Variants in MALRD1 observed in about 807,000 individuals in gnomAD.
MALRD1 encodes the protein MAM and LDL receptor class A domain containing 1, also known as MAM and LDL-receptor class A domain-containing protein 1.
In MALRD1, 247 loss-of-function variants were observed where a neutral mutation model predicts 242.1. The observed-to-expected ratio is 1.02, with a 90% CI of 0.92 to 1.13. The LOEUF (loss-of-function observed/expected upper bound fraction) is 1.13. MALRD1 is among the 50% of genes most tolerant of loss of function. The pLI, the probability that MALRD1 is intolerant of heterozygous loss-of-function variation, is 0.00. For synonymous variants in MALRD1, 995 were observed against 866.6 expected (o/e 1.15, Z -2.60); for missense variants, 2,989 against 2,533.1 (o/e 1.18, Z -3.86).
At chr10:19,599,146 G>T (rs573028849) in intron 34 of MALRD1, among the ~76,000 whole-genome samples, 31 of 152,094 alleles carry the variant, frequency 2.0e-4, no homozygotes, top group Admixed American at 6.6e-5. Context: ...GGAGTGGAAT[G>T]CAGGAAAAAA....
intron 19 of MALRD1, among the ~76,000 whole-genome samples, chr10:19,260,605 G>A (rs1839703649): frequency 6.6e-6 from 1 of 152,112 alleles, no homozygotes; most frequent in African/African-American, 2.4e-5. Flanking sequence ...AAAGAGAGGT[G>A]ATGTGTAGGG....
chr10:19,434,255 A>G (rs2130957970), intron 28 of MALRD1, among the ~76,000 whole-genome samples: 1 of 152,314 alleles, frequency 6.6e-6, no homozygotes, highest in Admixed American at 6.5e-5. Flanking sequence ...ATGTATGTCT[A>G]AAATTACACA....
chr10:19,634,364 T>C (rs976102653), intron 36 of MALRD1, among the ~76,000 whole-genome samples: 1 of 152,114 alleles, frequency 6.6e-6, no homozygotes, highest in African/African-American at 2.4e-5. Context: ...TTTGAGGCTT[T>C]TGTTGTTACG....
chr10:19,555,209 G>T (rs1430690464), intron 32 of MALRD1, among the ~76,000 whole-genome samples: 2 of 152,146 alleles, frequency 1.3e-5, no homozygotes, highest in Non-Finnish European at 2.9e-5. Flanking sequence ...TTACTCAGAA[G>T]AGGGTATCAA....
chr10:19,188,113 A>G (rs1378787055), intron 14 of MALRD1, among the ~76,000 whole-genome samples: 1 of 152,090 alleles, frequency 6.6e-6, no homozygotes, highest in African/African-American at 2.4e-5. Context: ...TTTAAATGAG[A>G]CTGGGAGCAT....
intron 38 of MALRD1, among the ~76,000 whole-genome samples, chr10:19,724,568 A>G (rs1248680680): frequency 6.6e-6 from 1 of 152,056 alleles, no homozygotes; most frequent in South Asian, 2.1e-4. Flanking sequence ...ATCTAGTCCA[A>G]AGATGTTCAC....
intron 38 of MALRD1, among the ~76,000 whole-genome samples, chr10:19,729,721 CTTTTTTTTTTTTTTTTTTT>C (rs35279728): frequency 4.9e-5 from 2 of 40,696 alleles, no homozygotes; most frequent in South Asian, 1.2e-3. Flanking sequence ...TCTATTAATT[CTTTTTTTTTTTTTTTTTTT>C]TTTTTTTTTT....
intron 36 of MALRD1, among the ~76,000 whole-genome samples, chr10:19,616,973 T>C (rs1839186153): frequency 6.6e-6 from 1 of 151,984 alleles, no homozygotes; most frequent in Admixed American, 6.6e-5. Flanking sequence ...TCAGAAACTA[T>C]TACTTGATGG....
In MALRD1 at chr10:19,350,106, C is replaced by T. The variant is rs115176582; in HGVS notation, c.4150-1900C>T. Among the ~76,000 whole-genome samples, 253 of 152,026 alleles carry T rather than the reference C, an allele frequency of 1.7e-3. 1 individual carries two copies. The highest frequency in any genetic ancestry group is 6.0e-3 in the African/African-American group (248 of 41,472). On this transcript the variant is annotated intron_variant, in intron 25 of 39. Coordinates refer to ENST00000454679, the MANE Select transcript of MALRD1 (RefSeq NM_001142308.3). ...TATATTCATCGGGTAAGCAGATTGA[C>T]CTCCCAGATTTTTATGAGAATCACC...
At chr10:19,511,738 T>C (rs1833410697) in intron 31 of MALRD1, among the ~76,000 whole-genome samples, 1 of 152,198 alleles carries the variant, frequency 6.6e-6, no homozygotes, top group Non-Finnish European at 1.5e-5. Flanking sequence ...GGGATATTGG[T>C]TTAACATGAC....
chr10:19,126,785 A>G (rs113393212), intron 7 of MALRD1, among the ~76,000 whole-genome samples: 9,899 of 151,968 alleles, frequency 0.065, 353 homozygotes, highest in South Asian at 0.14. Flanking sequence ...TCCAGGCTAC[A>G]TGTGCAGGAT....
At chr10:19,222,444 A>C (rs890884843) in intron 18 of MALRD1, among the ~76,000 whole-genome samples, 3 of 152,198 alleles carry the variant, frequency 2.0e-5, no homozygotes, top group Admixed American at 2.0e-4. Flanking sequence ...TGGATATGCT[A>C]ACAGCAGCCT....
intron 38 of MALRD1, among the ~76,000 whole-genome samples, chr10:19,709,314 G>C (rs946547870): frequency 2.6e-5 from 4 of 151,718 alleles, no homozygotes; most frequent in African/African-American, 9.7e-5. Context: ...CTACTTGGGG[G>C]CCTGAGGCAG....
chr10:19,567,194 A>T (rs910355624), intron 32 of MALRD1, among the ~76,000 whole-genome samples: 2 of 152,170 alleles, frequency 1.3e-5, no homozygotes, highest in African/African-American at 2.4e-5. Context: ...TTCTTTAGCA[A>T]TAAAAAAATT....
At chr10:19,334,747 T>A (rs1843529155) in intron 24 of MALRD1, among the ~76,000 whole-genome samples, 1 of 152,256 alleles carries the variant, frequency 6.6e-6, no homozygotes, top group East Asian at 1.9e-4. Context: ...TTTCTGCTAT[T>A]AGTTATTTTT....
chr10:19,399,689 A>G (rs10740889), intron 28 of MALRD1, among the ~76,000 whole-genome samples: 129,223 of 152,196 alleles, frequency 0.85, 55,126 homozygotes, highest in Non-Finnish European at 0.88. Flanking sequence ...AGAAATGAAT[A>G]TACAAAACAA....
At chr10:19,244,399 C>T (rs999523360) in intron 18 of MALRD1, among the ~76,000 whole-genome samples, 1 of 151,940 alleles carries the variant, frequency 6.6e-6, no homozygotes, top group Non-Finnish European at 1.5e-5. Flanking sequence ...ATGACAAACC[C>T]CATTTGTACA....
intron 18 of MALRD1, among the ~76,000 whole-genome samples, chr10:19,237,024 A>T (rs1358000586): frequency 6.6e-6 from 1 of 152,032 alleles, no homozygotes; most frequent in Admixed American, 6.6e-5. Context: ...TTGTAATTAT[A>T]TAGATTTATA....
Position 19,171,941 on chromosome 10 carries a change from CAT to C in MALRD1, c.1831-3263_1831-3262del, listed in dbSNP as rs1491025798. 1.7e-5 allele frequency among the ~76,000 whole-genome samples: 2 copies of C among 115,392 alleles called. 1 individual carries two copies. The highest frequency in any genetic ancestry group is 3.7e-5 in the Non-Finnish European group (2 of 54,350). The allele number at this position is 115,392 out of a possible 152,430, so 75.7% of individuals were successfully genotyped here. A position where few individuals can be genotyped will look rare whatever the true frequency, so the allele number is the denominator to read the frequency against. On this transcript the variant is annotated intron_variant, in intron 13 of 39. Transcript: ENST00000454679. ...ATATACATATATGTGATATATATATCATATAATATATGTATATATCACATATA... is the reference window on the plus strand; with the variant it reads ...ATATACATATATGTGATATATATATCATAATATATGTATATATCACATATA...
Sources: allele counts gnomAD v4.1 joint callset (sites outside exome capture counted in the v4.1 genomes callset), GRCh38; gene constraint gnomAD v4.1.1; transcripts MANE v1.5; gene names NCBI Gene and HGNC (gene_info 2026-07-23, HGNC 2026-07-21).